The following SNTG1 variants were observed in gnomAD, a reference collection of about 807,000 sequenced individuals.
SNTG1 encodes the protein syntrophin gamma 1.
Under a neutral mutation model 74.7 loss-of-function variants are expected in SNTG1, and 39 were observed. That is an observed-to-expected ratio of 0.52 (90% CI 0.40 to 0.68). The LOEUF is 0.68. Ranked by LOEUF, SNTG1 falls within the 30% of genes least tolerant of loss-of-function variation. SNTG1 has a pLI of 0.00. For synonymous variants in SNTG1, 254 were observed against 217.1 expected, an observed-to-expected ratio of 1.17 and a Z score of -1.49; for missense variants, 685 against 609.5, an observed-to-expected ratio of 1.12 and a Z score of -1.30.
chr8:50,111,593 CA>C (rs1405153417), intron 1 of SNTG1, among the ~76,000 whole-genome samples: 1 of 151,984 alleles, frequency 6.6e-6, no homozygotes, highest in East Asian at 1.9e-4. Flanking sequence ...TTTAAGCCAC[CA>C]AGTCTATGAT....
chr8:49,943,364 C>T (rs1808872700), intron 1 of SNTG1, among the ~76,000 whole-genome samples: 3 of 152,174 alleles, frequency 2.0e-5, no homozygotes, highest in South Asian at 4.1e-4. Context: ...AATGTATGTT[C>T]TAGTAACTAT....
intron 18 of SNTG1, among the ~76,000 whole-genome samples, chr8:50,754,461 T>C (rs1444432121): frequency 6.6e-6 from 1 of 151,918 alleles, no homozygotes; most frequent in Non-Finnish European, 1.5e-5. Flanking sequence ...GTATGTTATA[T>C]CCTCTTTGTT....
chr8:50,293,778 A>C (rs1011439306), intron 2 of SNTG1, among the ~76,000 whole-genome samples: 5 of 152,170 alleles, frequency 3.3e-5, no homozygotes, highest in African/African-American at 1.2e-4. Context: ...TCTGTAGTAC[A>C]GGGGTTAAGA....
chr8:50,482,263 C>G (rs2093747100), intron 8 of SNTG1, among the ~76,000 whole-genome samples: 1 of 152,148 alleles, frequency 6.6e-6, no homozygotes, highest in Non-Finnish European at 1.5e-5. Flanking sequence ...CAAACGTGAA[C>G]TGCTATCCTA....
At chr8:50,611,879 A>T (rs1200003733) in intron 13 of SNTG1, among the ~76,000 whole-genome samples, 1 of 151,910 alleles carries the variant, frequency 6.6e-6, no homozygotes, top group East Asian at 1.9e-4. Context: ...CAATCCTCCT[A>T]CCTCAGCCTC....
At chr8:49,952,964 G>A (rs181858081) in intron 1 of SNTG1, among the ~76,000 whole-genome samples, 270 of 152,254 alleles carry the variant, frequency 1.8e-3, no homozygotes, top group Non-Finnish European at 3.1e-3. Flanking sequence ...TATCATGTAC[G>A]TTCATGTAGA....
intron 15 of SNTG1, among the ~76,000 whole-genome samples, chr8:50,677,512 C>T (rs991100091): frequency 4.0e-5 from 6 of 151,862 alleles, no homozygotes; most frequent in African/African-American, 1.4e-4. Context: ...ACTTTTAATG[C>T]TCTATTTAGC....
intron 2 of SNTG1, among the ~76,000 whole-genome samples, chr8:50,368,520 A>G (rs193064961): frequency 3.7e-4 from 56 of 152,292 alleles, no homozygotes; most frequent in African/African-American, 1.2e-3. Flanking sequence ...TGCTAAAGAG[A>G]TAATGGGGGT....
At chr8:50,568,207 T>A (rs752507801) in intron 12 of SNTG1, among the ~76,000 whole-genome samples, 53 of 111,090 alleles carry the variant, frequency 4.8e-4, no homozygotes, top group Admixed American at 1.7e-3. Flanking sequence ...AATGGCTGAA[T>A]AGTATTCCAT....
chr8:50,765,372 A>C (rs973858189), intron 18 of SNTG1, among the ~76,000 whole-genome samples: 1 of 151,908 alleles, frequency 6.6e-6, no homozygotes, highest in South Asian at 2.1e-4. Context: ...ATCCATTGGT[A>C]TTTCTGGGCT....
intron 2 of SNTG1, among the ~76,000 whole-genome samples, chr8:50,182,256 A>G (rs1310549227): frequency 1.3e-5 from 2 of 152,164 alleles, no homozygotes; most frequent in African/African-American, 2.4e-5. Flanking sequence ...ATGAGAATGC[A>G]CCATTCAGCT....
intron 2 of SNTG1, among the ~76,000 whole-genome samples, chr8:50,235,561 AAATC>A (rs1408862197): frequency 2.6e-5 from 4 of 152,234 alleles, no homozygotes; most frequent in Non-Finnish European, 5.9e-5. Flanking sequence ...GAGTGAGTGG[AAATC>A]AATCAACACA....
intron 1 of SNTG1, among the ~76,000 whole-genome samples, chr8:49,916,079 G>T (rs779939537): frequency 1.3e-5 from 2 of 152,004 alleles, no homozygotes; most frequent in Admixed American, 6.6e-5. Flanking sequence ...TCAATGTTTG[G>T]TGTTACAGTT....
intron 1 of SNTG1, among the ~76,000 whole-genome samples, chr8:50,030,031 A>G (rs965016522): frequency 1.3e-5 from 2 of 152,112 alleles, no homozygotes; most frequent in African/African-American, 4.8e-5. Flanking sequence ...CCGTTTAGAT[A>G]AAAGCCATTT....
intron 9 of SNTG1, 145 bp from the exon 10 acceptor site, chr8:50,530,032 G>A: frequency 1.5e-6 from 1 of 668,048 alleles, no homozygotes; most frequent in Non-Finnish European, 2.5e-6. Context: ...CAAAACTCTG[G>A]CTTTAGTATA....
In SNTG1 at chr8:50,682,325, C is replaced by T. The variant is rs570714058; in HGVS notation, c.1039-22275C>T. On this transcript the variant is annotated intron_variant, in intron 15 of 18. Coordinates refer to ENST00000642720, the MANE Select transcript of SNTG1 (RefSeq NM_018967.5). ...AGAGCAGGGATACAAGCTGGAGTGG[C>T]GGGGTGGGTAGTTTGGTGGGAAGGG... 6.6e-5 allele frequency among the ~76,000 whole-genome samples: 10 copies of T among 151,796 alleles called. No homozygotes were observed. In the South Asian group the frequency reaches 1.5e-3, roughly 22 times the overall value.
At chr8:50,352,160 C>A (rs1489372861) in intron 2 of SNTG1, among the ~76,000 whole-genome samples, 2 of 152,224 alleles carry the variant, frequency 1.3e-5, no homozygotes, top group South Asian at 2.1e-4. Flanking sequence ...ATTGTGAATC[C>A]TATACCCAGA....
At chr8:49,991,059 A>G (rs1003611590) in intron 1 of SNTG1, among the ~76,000 whole-genome samples, 7 of 152,216 alleles carry the variant, frequency 4.6e-5, no homozygotes, top group South Asian at 2.1e-4. Flanking sequence ...ATAGACTTGT[A>G]TACAGAATAC....
intron 1 of SNTG1, among the ~76,000 whole-genome samples, chr8:50,043,509 A>G (rs1818817828): frequency 6.6e-6 from 1 of 152,222 alleles, no homozygotes; most frequent in African/African-American, 2.4e-5. Context: ...TTATAAAATA[A>G]TTTGTGAAGG....
Sources: allele counts gnomAD v4.1 joint callset (sites outside exome capture counted in the v4.1 genomes callset), GRCh38; gene constraint gnomAD v4.1.1; transcripts MANE v1.5; gene names NCBI Gene and HGNC (gene_info 2026-07-23, HGNC 2026-07-21).